The following PLCB4 variants were observed in gnomAD, a reference collection of about 807,000 sequenced individuals.
The protein encoded by PLCB4 is 1-phosphatidylinositol 4,5-bisphosphate phosphodiesterase beta-4.
A neutral mutation model predicts 178.8 loss-of-function variants in PLCB4; 77 were observed. That is an observed-to-expected ratio of 0.43 (90% CI 0.36 to 0.52). PLCB4 has a LOEUF of 0.52. Ranked by LOEUF, PLCB4 falls within the 20% of genes least tolerant of loss-of-function variation. The pLI is 0.00. For missense variants in PLCB4, 1,024 were observed against 1,453.4 expected, an observed-to-expected ratio of 0.70 and a Z score of 4.80; for synonymous variants, 496 against 490.8, an observed-to-expected ratio of 1.01 and a Z score of -0.14.
At chr20:9,382,495 A>G (rs771286804) in intron 13 of PLCB4, among the ~76,000 whole-genome samples, 69 of 152,326 alleles carry the variant, frequency 4.5e-4, no homozygotes, top group Admixed American at 1.0e-3. Flanking sequence ...TCCATCTCCA[A>G]TCTCACTTCA....
Position 9,395,531 on chromosome 20 carries a change from G to C in PLCB4, c.1423G>C (p.Glu475Gln). 6.2e-7 allele frequency: 1 copy of C among 1,613,166 alleles called. No homozygotes were observed. Among genetic ancestry groups the C allele is most frequent in the Non-Finnish European group, 8.5e-7 (1 of 1,179,218 alleles). The change falls in exon 19 of 40, where the codon GAA becomes CAA. Residue 475 changes from glutamate (E) to glutamine (Q), a missense_variant. Physicochemically the swap from Glu to Gln is conservative, Grantham distance 29. Around this residue, in one of 7 missense-constraint regions of PLCB4, gnomAD observed 263 missense variants for 417.4 expected, o/e 0.63. Coordinates refer to ENST00000378473, the MANE Select transcript of PLCB4 (RefSeq NM_001377142.1). ...LKPEVEKKQL[E>Q]ALRSMMEAGE... ...CGTGTTTTTGCTAACAGAACAGCTGGAAGCTTTGAGAAGCATGATGGAAGC... is the reference window on the plus strand; with the variant it reads ...CGTGTTTTTGCTAACAGAACAGCTGCAAGCTTTGAGAAGCATGATGGAAGC...
intron 32 of PLCB4, among the ~76,000 whole-genome samples, chr20:9,445,912 T>C (rs2042386610): frequency 1.3e-5 from 2 of 152,226 alleles, no homozygotes; most frequent in African/African-American, 4.8e-5. Flanking sequence ...TTTTCTTGCA[T>C]TTAAATTGGA....
chr20:9,121,543 A>G (rs1050427122), intron 2 of PLCB4, among the ~76,000 whole-genome samples: 1 of 152,094 alleles, frequency 6.6e-6, no homozygotes, highest in East Asian at 1.9e-4. Flanking sequence ...TGGCTTGTTT[A>G]TAATTTCCTA....
intron 36 of PLCB4, among the ~76,000 whole-genome samples, chr20:9,470,924 A>G (rs1475118089): frequency 6.6e-6 from 1 of 152,200 alleles, no homozygotes; most frequent in African/African-American, 2.4e-5. Flanking sequence ...TCTATACCAA[A>G]TGATAGTTAT....
At chr20:9,366,396 C>CAAA (rs1198133351) in intron 9 of PLCB4, among the ~76,000 whole-genome samples, 27 of 33,694 alleles carry the variant, frequency 8.0e-4, no homozygotes, top group East Asian at 2.8e-3. Context: ...GACTCCATCT[C>CAAA]AAAAAAAAAA....
chr20:9,217,573 T>G (rs1023866663), intron 3 of PLCB4, 121 bp downstream of exon 3: 1 of 152,206 alleles, frequency 6.6e-6, no homozygotes. Context: ...CAAAACTGAT[T>G]CACAGACATC....
chr20:9,407,360 A>G (rs1325645002), intron 21 of PLCB4, among the ~76,000 whole-genome samples: 2 of 151,544 alleles, frequency 1.3e-5, no homozygotes, highest in East Asian at 3.9e-4. Flanking sequence ...GTGAGGTCCA[A>G]TATAGTAATT....
At chr20:9,425,852 G>A (rs1421150769) in intron 28 of PLCB4, among the ~76,000 whole-genome samples, 1 of 152,210 alleles carries the variant, frequency 6.6e-6, no homozygotes, top group Non-Finnish European at 1.5e-5. Flanking sequence ...CTTCCCTGTA[G>A]ATAACAGAAG....
rs532485838 is a variant in PLCB4 at position 9,304,303 on chromosome 20, A to G, written c.-15-3497A>G. Reference sequence around the variant, plus strand: ...TGTACACTCTCTGTCATTAATTTATATGTTTCCTTGTTGTTGTCAATGAGC... The same window carrying G: ...TGTACACTCTCTGTCATTAATTTATGTGTTTCCTTGTTGTTGTCAATGAGC... On this transcript the variant is annotated intron_variant, in intron 3 of 39. Transcript: ENST00000378473. Among the ~76,000 whole-genome samples the G allele has an allele frequency of 2.6e-5, 4 of 152,028 alleles. No homozygotes were observed. In the South Asian group the frequency reaches 8.3e-4, roughly 32 times the overall value.
At chr20:9,310,814 TGTA>T (rs2094824931) in intron 4 of PLCB4, among the ~76,000 whole-genome samples, 1 of 152,186 alleles carries the variant, frequency 6.6e-6, no homozygotes, top group African/African-American at 2.4e-5. Context: ...AGTCAATAAA[TGTA>T]GTAAGTGCAA....
intron 2 of PLCB4, among the ~76,000 whole-genome samples, chr20:9,196,207 A>G (rs2147164098): frequency 6.6e-6 from 1 of 152,338 alleles, no homozygotes; most frequent in Admixed American, 6.5e-5. Flanking sequence ...GTCACTACAG[A>G]GAAATCTGTG....
chr20:9,272,796 T>G (rs553808860), intron 3 of PLCB4, among the ~76,000 whole-genome samples: 1 of 152,172 alleles, frequency 6.6e-6, no homozygotes, highest in South Asian at 2.1e-4. Context: ...AAGGTCAGTT[T>G]GTTCTTTGGT....
chr20:9,086,722 G>A (rs1239916633), intron 1 of PLCB4, among the ~76,000 whole-genome samples: 1 of 152,108 alleles, frequency 6.6e-6, no homozygotes, highest in Non-Finnish European at 1.5e-5. Flanking sequence ...TAGGTTGGTT[G>A]CTTTCATGTT....
chr20:9,476,637 A>G lies in PLCB4; in HGVS notation c.3496-80A>G, dbSNP rs547310072. 5.9e-5 allele frequency: 60 copies of G among 1,009,454 alleles called. No homozygotes were observed. In the African/African-American group the frequency reaches 7.3e-4, roughly 12 times the overall value. 62.5% of individuals were successfully genotyped at this position (1,009,454 alleles called of 1,614,324 possible). A position where few individuals can be genotyped will look rare whatever the true frequency, so the allele number is the denominator to read the frequency against. ...GTATATGGTTTTGCATTCATTTTTCAAATTCACTTCAATATTCATTTATTT... is the reference window on the plus strand; with the variant it reads ...GTATATGGTTTTGCATTCATTTTTCGAATTCACTTCAATATTCATTTATTT... On this transcript the variant is annotated intron_variant, in intron 38 of 39. Coordinates refer to ENST00000378473, the MANE Select transcript of PLCB4 (RefSeq NM_001377142.1).
chr20:9,434,901 G>C (rs1452298399), intron 28 of PLCB4, among the ~76,000 whole-genome samples: 3 of 152,140 alleles, frequency 2.0e-5, no homozygotes, highest in Admixed American at 1.3e-4. Context: ...GCCTTCTATA[G>C]TATGAGTAAA....
chr20:9,278,163 C>T (rs1380310132), intron 3 of PLCB4, among the ~76,000 whole-genome samples: 1 of 151,992 alleles, frequency 6.6e-6, no homozygotes, highest in East Asian at 1.9e-4. Context: ...GTGTGCTTAT[C>T]AATACTTGGT....
intron 12 of PLCB4, among the ~76,000 whole-genome samples, chr20:9,374,998 G>T (rs2036552388): frequency 6.6e-6 from 1 of 151,952 alleles, no homozygotes; most frequent in African/African-American, 2.4e-5. Flanking sequence ...TTTGGGGTGT[G>T]ACTGATGGAA....
chr20:9,112,972 G>A (rs2091638268), intron 2 of PLCB4, among the ~76,000 whole-genome samples: 1 of 152,010 alleles, frequency 6.6e-6, no homozygotes, highest in Non-Finnish European at 1.5e-5. Flanking sequence ...GGAACTGACT[G>A]CTGAAAAATC....
intron 3 of PLCB4, among the ~76,000 whole-genome samples, chr20:9,294,220 G>A (rs1267813141): frequency 6.6e-6 from 1 of 152,148 alleles, no homozygotes; most frequent in Non-Finnish European, 1.5e-5. Flanking sequence ...TGGGCCAAAA[G>A]AGGTAACTGC....
Sources: gnomAD v4.1 joint callset for allele counts (sites outside exome capture counted in the v4.1 genomes callset) on GRCh38, gnomAD v4.1.1 for gene constraint, gnomAD v4.1.1 regional missense constraint, MANE v1.5 for transcripts, NCBI Gene and HGNC (gene_info 2026-07-23, HGNC 2026-07-21) for gene names.